The following ASTN1 variants were observed in gnomAD, a reference collection of about 807,000 sequenced individuals.
The protein encoded by ASTN1 is astrotactin 1, also known as astrotactin-1.
Under a neutral mutation model 140.7 loss-of-function variants are expected in ASTN1, and 41 were observed. The ratio of observed to expected loss-of-function variants is 0.29; its 90% confidence interval spans 0.23 to 0.38. The LOEUF (loss-of-function observed/expected upper bound fraction) is 0.38, where lower values mean the gene tolerates loss of function less well. Ranked by LOEUF, ASTN1 falls within the 10% of genes least tolerant of loss-of-function variation. The pLI, the probability that ASTN1 is intolerant of heterozygous loss-of-function variation, is 1.00. For missense variants in ASTN1, 1,479 were observed against 1,678.8 expected (o/e 0.88, Z 2.08); for synonymous variants, 640 against 652.2 (o/e 0.98, Z 0.29).
At chr1:177,052,852 C>T (rs927093317) in intron 2 of ASTN1, among the ~76,000 whole-genome samples, 1 of 152,150 alleles carries the variant, frequency 6.6e-6, no homozygotes, top group Non-Finnish European at 1.5e-5. Flanking sequence ...ACTCTAATAC[C>T]ACCAAGTAGC....
chr1:177,126,757 C>T (rs898103997), intron 1 of ASTN1, among the ~76,000 whole-genome samples: 1 of 152,158 alleles, frequency 6.6e-6, no homozygotes, highest in Non-Finnish European at 1.5e-5. Context: ...TTGCTCACTG[C>T]TCATTCTCTT....
chr1:177,029,497 T>C, intron 5 of ASTN1, 137 bp downstream of exon 5: 14 of 882,130 alleles, frequency 1.6e-5, no homozygotes, highest in Middle Eastern at 2.1e-4. Context: ...AAACACCAGT[T>C]GTGGTCCAAA....
chr1:176,939,679 C>T (rs2103100575), intron 14 of ASTN1, among the ~76,000 whole-genome samples: 1 of 151,656 alleles, frequency 6.6e-6, no homozygotes, highest in African/African-American at 2.4e-5. Context: ...TGACTTTTTT[C>T]AAGCAGTATC....
intron 1 of ASTN1, among the ~76,000 whole-genome samples, chr1:177,063,151 G>T (rs1678181485): frequency 6.6e-6 from 1 of 152,158 alleles, no homozygotes; most frequent in African/African-American, 2.4e-5. Flanking sequence ...TAAGGGTAGG[G>T]CAATTAGAAG....
At chr1:176,950,990 C>T (rs975148795) in intron 11 of ASTN1, among the ~76,000 whole-genome samples, 10 of 152,154 alleles carry the variant, frequency 6.6e-5, no homozygotes, top group Non-Finnish European at 1.2e-4. Flanking sequence ...ACCTCTCCTT[C>T]CTCCTCTTTC....
At chr1:177,037,721 T>A (rs181323143) in intron 2 of ASTN1, among the ~76,000 whole-genome samples, 1 of 152,360 alleles carries the variant, frequency 6.6e-6, no homozygotes, top group African/African-American at 2.4e-5. Flanking sequence ...TTTGCATGAA[T>A]TTTCTGATTA....
At chr1:177,099,172 A>G (rs1680185934) in intron 1 of ASTN1, among the ~76,000 whole-genome samples, 1 of 152,238 alleles carries the variant, frequency 6.6e-6, no homozygotes, top group African/African-American at 2.4e-5. Flanking sequence ...AGGACAAAGT[A>G]TTATGTTGAA....
At chr1:176,946,607 T>C (rs999610063) in intron 12 of ASTN1, among the ~76,000 whole-genome samples, 1 of 152,202 alleles carries the variant, frequency 6.6e-6, no homozygotes, top group Non-Finnish European at 1.5e-5. Context: ...ATAAGTCAAC[T>C]AAGAAATTAG....
At chr1:176,978,638 G>A (rs538117874) in intron 8 of ASTN1, among the ~76,000 whole-genome samples, 27 of 152,284 alleles carry the variant, frequency 1.8e-4, no homozygotes, top group African/African-American at 6.3e-4. Flanking sequence ...GGGGTAAGGG[G>A]AGGGTCTAGT....
rs776112806 is a variant in ASTN1, at chr1:176,876,605, C to T, written c.3395G>A (p.Arg1132Gln). The T allele has an allele frequency of 1.1e-5, 18 of 1,614,010 alleles. No homozygotes were observed. The highest frequency in any genetic ancestry group is 3.3e-4 in the Middle Eastern group (2 of 6,084). ...GATCACGTCGCTTGGCCTGGAGCGC[C>T]GTCCTGTGTTGTCCACTCCCCACAG... ...FTLWGVDNTG[R>Q]RSRPSDVIVK... Residue 1132 changes from arginine (R) to glutamine (Q), a missense_variant, in exon 21 of 23, where the codon CGG becomes CAG. Coordinates refer to ENST00000361833, the MANE Select transcript of ASTN1 (RefSeq NM_004319.3).
intron 16 of ASTN1, among the ~76,000 whole-genome samples, chr1:176,907,348 T>G (rs773376267): frequency 6.6e-6 from 1 of 152,190 alleles, no homozygotes; most frequent in Non-Finnish European, 1.5e-5. Flanking sequence ...AATATACTCC[T>G]TAGGCATTTA....
Position 177,061,234 on chromosome 1 carries a change from C to A in ASTN1, c.315G>T (p.Leu105Phe). ...CCAGCCACTGCTGCCTCCAGCGCAC[C>A]AAAGGGATATCCTCTGTGTTCCCTG... ...EISGNTEDIP[L>F]VRWRQQWLEN... is the part of the protein sequence containing the mutation. Residue 105 changes from leucine to phenylalanine, a missense_variant, in exon 2 of 23, where the codon TTG (leucine) becomes TTT (phenylalanine). Leu to Phe is a conservative substitution (Grantham distance 22). Transcript: ENST00000361833. 6.3e-7 allele frequency: 1 copy of A among 1,591,922 alleles called. No individual in the cohort carries two copies. Among genetic ancestry groups the A allele is most frequent in the Non-Finnish European group, 8.6e-7 (1 of 1,169,104 alleles).
chr1:176,961,500 C>G (rs1672661432), intron 9 of ASTN1, among the ~76,000 whole-genome samples: 1 of 152,118 alleles, frequency 6.6e-6, no homozygotes, highest in Non-Finnish European at 1.5e-5. Flanking sequence ...TACAACAGTC[C>G]TCTGAAGCTG....
At chr1:177,044,828 A>T (rs1677144124) in intron 2 of ASTN1, among the ~76,000 whole-genome samples, 2 of 152,212 alleles carry the variant, frequency 1.3e-5, no homozygotes, top group Admixed American at 1.3e-4. Context: ...CATCATTATA[A>T]ATTAATTCAA....
intron 8 of ASTN1, among the ~76,000 whole-genome samples, chr1:177,003,459 T>A (rs1290970839): frequency 6.6e-6 from 1 of 152,022 alleles, no homozygotes; most frequent in African/African-American, 2.4e-5. Context: ...TGATAAAAAC[T>A]CTGAAGAAAA....
rs373050707 is a variant in ASTN1, at chr1:177,086,459, TA to T, written c.284-25195del. Among the ~76,000 whole-genome samples the T allele has an allele frequency of 3.7e-4, 56 of 152,266 alleles. 1 individual carries two copies. In the East Asian group the frequency reaches 0.01, roughly 28 times the overall value. On this transcript the variant is annotated intron_variant, in intron 1 of 22. Transcript: ENST00000361833. The stretch of plus-strand genomic sequence containing the variant: ...TATTTATTGTGGAAAATAATTAGCC[TA>T]AAAATGTTCCTCTTTGGGTTAAACT...
intron 16 of ASTN1, among the ~76,000 whole-genome samples, chr1:176,910,306 G>T (rs1212876963): frequency 6.6e-6 from 1 of 152,072 alleles, no homozygotes; most frequent in Non-Finnish European, 1.5e-5. Flanking sequence ...CATCTTTTTA[G>T]GCCTTTCTTG....
At chr1:176,960,201 A>G (rs1270408969) in intron 9 of ASTN1, among the ~76,000 whole-genome samples, 1 of 152,170 alleles carries the variant, frequency 6.6e-6, no homozygotes, top group African/African-American at 2.4e-5. Flanking sequence ...TTCACTTTGC[A>G]TTTCATAATG....
chr1:176,934,615 GTTTT>G (rs1162912260), intron 15 of ASTN1, among the ~76,000 whole-genome samples: 1 of 142,910 alleles, frequency 7.0e-6, no homozygotes, highest in East Asian at 2.0e-4. Context: ...AAATCAATGT[GTTTT>G]TTTTTTTTTA....
Sources: allele counts gnomAD v4.1 joint callset (sites outside exome capture counted in the v4.1 genomes callset), GRCh38; gene constraint gnomAD v4.1.1; transcripts MANE v1.5; gene names NCBI Gene and HGNC (gene_info 2026-07-23, HGNC 2026-07-21).